ARFRP1: variants seen among roughly 807,000 people sequenced by gnomAD.
ARFRP1 encodes ARF related protein 1.
Under a neutral mutation model 30.3 loss-of-function variants are expected in ARFRP1, and 19 were observed. The observed-to-expected ratio is 0.63, with a 90% CI of 0.44 to 0.92. The LOEUF (loss-of-function observed/expected upper bound fraction) is 0.92. Among genes scored for constraint, ARFRP1 ranks in the 40% least tolerant of loss-of-function variants. The pLI, the probability that ARFRP1 is intolerant of heterozygous loss-of-function variation, is 0.00. For synonymous variants in ARFRP1, 133 were observed against 114.2 expected (o/e 1.16, Z -1.05); for missense variants, 245 against 267.5 (o/e 0.92, Z 0.59).
At chr20:63,706,860 G>A (rs902002906) in intron 2 of ARFRP1, 122 bp from the exon 3 acceptor site, 19 of 1,259,234 alleles carry the variant, frequency 1.5e-5, no homozygotes, top group African/African-American at 3.0e-5. Flanking sequence ...TGCTCTTCAG[G>A]AGGCTGGTGG....
intron 4 of ARFRP1, chr20:63,706,085 T>C: frequency 2.4e-6 from 1 of 419,962 alleles, no homozygotes; most frequent in Non-Finnish European, 4.5e-6. Context: ...GCCTTGGCAT[T>C]TAGTGATTCT....
Position 63,698,773 on chromosome 20 carries a change from G to C in ARFRP1, c.*1670C>G. 1.9e-6 allele frequency: 1 copy of C among 527,692 alleles called. No homozygotes were observed. Among genetic ancestry groups the C allele is most frequent in the Admixed American group, 4.2e-5 (1 of 24,046 alleles). The allele number at this position is 527,692 out of a possible 1,614,324, so 32.7% of individuals were successfully genotyped here. ...AGATCCCTCAGGCTGCCTGCCATCA[G>C]AACTGCTGCCCGGGGCTTCCCCTAC... On this transcript the variant is annotated 3_prime_UTR_variant, in exon 8 of 8. Transcript: ENST00000622789.
At chr20:63,700,766 G>A in intron 6 of ARFRP1, 64 bp from the exon 7 acceptor site, 2 of 1,575,566 alleles carry the variant, frequency 1.3e-6, no homozygotes, top group Non-Finnish European at 1.7e-6. Context: ...TGTGGGCCCG[G>A]GACTCTCAGA....
chr20:63,704,645 G>A (rs1301448464), intron 4 of ARFRP1: 5 of 152,360 alleles, frequency 3.3e-5, no homozygotes, highest in African/African-American at 7.2e-5. Flanking sequence ...TTCCAGTTTC[G>A]CCTTAAGAGA....
At chr20:63,701,689 G>T in intron 6 of ARFRP1, 141 bp downstream of exon 6, 1 of 752,178 alleles carries the variant, frequency 1.3e-6, no homozygotes, top group South Asian at 1.7e-5. Flanking sequence ...AGCTGCTGGG[G>T]GCAGGGCAGG....
intron 1 of ARFRP1, chr20:63,707,509 C>T (rs902204811): frequency 6.0e-6 from 1 of 167,370 alleles, no homozygotes; most frequent in Non-Finnish European, 1.3e-5. Context: ...GCGCCCCACC[C>T]GGGAGCAGCG....
In ARFRP1 at chr20:63,701,806, G is replaced by A. The variant is rs755942431; in HGVS notation, c.417+24C>T. 9 of 1,548,834 alleles carry A rather than the reference G, an allele frequency of 5.8e-6. No homozygotes were observed. The South Asian group carries it at 9.5e-5, about 16-fold the overall frequency. On this transcript the variant is annotated intron_variant, in intron 6 of 7. Transcript: ENST00000622789. ...GAGGCTGGGGACTCGGGAAGCTGCT[G>A]CGGGAGGCAGGGGTGGGGCTCACCT...
intron 4 of ARFRP1, 39 bp downstream of exon 4, chr20:63,706,318 A>G: frequency 1.3e-6 from 2 of 1,573,560 alleles, no homozygotes; most frequent in Non-Finnish European, 1.7e-6. Flanking sequence ...GTGGCACTGG[A>G]GGGCTGGGGT....
chr20:63,700,165 A>AC lies in ARFRP1; in HGVS notation c.*277dup, dbSNP rs1325160107. The AC allele has an allele frequency of 1.1e-5, 5 of 462,100 alleles. No individual in the cohort carries two copies. The highest frequency in any genetic ancestry group is 2.0e-5 in the Non-Finnish European group (5 of 250,312). The allele number at this position is 462,100 out of a possible 1,614,324, so 28.6% of individuals were successfully genotyped here. A position where few individuals can be genotyped will look rare whatever the true frequency, so the allele number is the denominator to read the frequency against. The stretch of plus-strand genomic sequence containing the variant: ...CAATTCCCAACCAGGTCTCCCTCAG[A>AC]CCCCCCAGAAAGGGCCTCGAAAGGC... On this transcript the variant is annotated 3_prime_UTR_variant, in exon 8 of 8. Coordinates refer to ENST00000622789, the MANE Select transcript of ARFRP1 (RefSeq NM_001267547.3).
At chr20:63,706,942 C>A (rs1185491597) in intron 2 of ARFRP1, 57 bp downstream of exon 2, 1 of 1,598,604 alleles carries the variant, frequency 6.3e-7, no homozygotes, top group South Asian at 1.1e-5. Flanking sequence ...CAGCACAAAA[C>A]CGAAGGGGGC....
intron 5 of ARFRP1, 98 bp from the exon 6 acceptor site, chr20:63,701,998 G>GGGGGCCCCCCCCCCCC: frequency 1.7e-6 from 1 of 583,914 alleles, no homozygotes; most frequent in Admixed American, 4.0e-5. Context: ...CACTCCCTCT[G>GGGGGCCCCCCCCCCCC]CCCCCCCCCC....
chr20:63,701,998 G>GCCCCTCCCCCCCCCC, intron 5 of ARFRP1, 98 bp from the exon 6 acceptor site: 1 of 583,916 alleles, frequency 1.7e-6, no homozygotes, highest in South Asian at 2.1e-5. Context: ...CACTCCCTCT[G>GCCCCTCCCCCCCCCC]CCCCCCCCCC....
At chr20:63,701,998 G>GGGGGGCCCCCCCCCCCCC in intron 5 of ARFRP1, 98 bp from the exon 6 acceptor site, 2 of 583,916 alleles carry the variant, frequency 3.4e-6, no homozygotes, top group Admixed American at 4.0e-5. Context: ...CACTCCCTCT[G>GGGGGGCCCCCCCCCCCCC]CCCCCCCCCC....
chr20:63,700,041 G>A lies in ARFRP1; in HGVS notation c.*402C>T, dbSNP rs576378061. On this transcript the variant is annotated 3_prime_UTR_variant, in exon 8 of 8. Coordinates refer to ENST00000622789, the MANE Select transcript of ARFRP1 (RefSeq NM_001267547.3). ...AAGCCAGATGGCAGCCATGGCTGAC[G>A]GGCCTCCTCCTCGATGGGGCGGAGA... is the stretch of plus-strand genomic sequence containing the variant. 3.1e-5 allele frequency: 8 copies of A among 255,744 alleles called. No individual in the cohort carries two copies. Among genetic ancestry groups the A allele is most frequent in the Admixed American group, 5.0e-5 (1 of 19,974 alleles). The allele number at this position is 255,744 out of a possible 1,614,324, so 15.8% of individuals were successfully genotyped here.
chr20:63,707,286 G>A, intron 1 of ARFRP1, 189 bp from the exon 2 acceptor site: 1 of 592,454 alleles, frequency 1.7e-6, no homozygotes, highest in Non-Finnish European at 3.0e-6. Flanking sequence ...CCGCCACTGT[G>A]TCCTGCTCAC....
Position 63,706,759 on chromosome 20 carries a change from G to A in ARFRP1, c.94-21C>T, listed in dbSNP as rs777647733. 8.9e-6 allele frequency: 14 copies of A among 1,571,434 alleles called. No homozygotes were observed. The African/African-American group carries it at 1.5e-4, about 17-fold the overall frequency. On this transcript the variant is annotated intron_variant, in intron 2 of 7. Coordinates refer to ENST00000622789, the MANE Select transcript of ARFRP1 (RefSeq NM_001267547.3). ...AAGGTCTGAGGAGAGAGGCAGAGGC[G>A]AAACACATCAAGGAGGGGCTATACT...
intron 3 of ARFRP1, 51 bp from the exon 4 acceptor site, chr20:63,706,490 C>T: frequency 6.3e-7 from 1 of 1,580,124 alleles, no homozygotes; most frequent in Non-Finnish European, 8.7e-7. Flanking sequence ...CCTCGACACA[C>T]CCAGTCCCAG....
intron 4 of ARFRP1, chr20:63,702,450 A>G (rs1434204316): frequency 3.6e-6 from 2 of 552,872 alleles, no homozygotes; most frequent in Non-Finnish European, 3.3e-6. Flanking sequence ...GATGGTGGCC[A>G]AAGGTGAAAG....
intron 6 of ARFRP1, 102 bp downstream of exon 6, chr20:63,701,728 C>G (rs2091214037): frequency 9.2e-7 from 1 of 1,085,548 alleles, no homozygotes; most frequent in African/African-American, 1.6e-5. Flanking sequence ...ACCCCCTGGG[C>G]AGTCACTGGG....
Sources: gnomAD v4.1 joint callset for allele counts on GRCh38, gnomAD v4.1.1 for gene constraint, MANE v1.5 for transcripts, NCBI Gene and HGNC (gene_info 2026-07-23, HGNC 2026-07-21) for gene names.